The following DNM3 variants were observed in gnomAD, a reference collection of about 807,000 sequenced individuals.
The protein encoded by DNM3 is dynamin 3, also known as dynamin-3.
DNM3 carries 47 observed loss-of-function variants against 101.6 expected under a neutral mutation model. The ratio of observed to expected loss-of-function variants is 0.46; its 90% CI spans 0.37 to 0.59. The LOEUF is 0.59. Among genes scored for constraint, DNM3 ranks in the 20% least tolerant of loss-of-function variants. The probability of loss-of-function intolerance (pLI) is 0.00; values close to 1 mark genes in which losing one functional copy is unlikely to be tolerated. For synonymous variants in DNM3, 385 were observed against 387.9 expected, an observed-to-expected ratio of 0.99 and a Z score of 0.09; for missense variants, 849 against 1,085.7, an observed-to-expected ratio of 0.78 and a Z score of 3.06.
chr1:172,188,596 G>C (rs1176173955), intron 14 of DNM3, among the ~76,000 whole-genome samples: 1 of 152,006 alleles, frequency 6.6e-6, no homozygotes, highest in Non-Finnish European at 1.5e-5. Context: ...CATCTTGGCT[G>C]TTTGCAGTTT....
chr1:171,868,460 T>A (rs943459086), intron 1 of DNM3, among the ~76,000 whole-genome samples: 6 of 152,220 alleles, frequency 3.9e-5, no homozygotes, highest in Admixed American at 2.0e-4. Flanking sequence ...CACTGCAATC[T>A]GCGCATTGCG....
At chr1:172,222,668 C>A (rs2060950928) in intron 14 of DNM3, among the ~76,000 whole-genome samples, 1 of 152,058 alleles carries the variant, frequency 6.6e-6, no homozygotes, top group Non-Finnish European at 1.5e-5. Context: ...AAGAGAAAAA[C>A]AAAGCCATAT....
intron 10 of DNM3, among the ~76,000 whole-genome samples, chr1:172,066,425 A>G (rs2051669967): frequency 6.6e-6 from 1 of 152,154 alleles, no homozygotes; most frequent in Non-Finnish European, 1.5e-5. Flanking sequence ...TCATATTGTA[A>G]GGGTGCTGAG....
chr1:171,992,120 T>TA, intron 4 of DNM3, among the ~76,000 whole-genome samples: 1 of 152,294 alleles, frequency 6.6e-6, no homozygotes, highest in Admixed American at 6.5e-5. Flanking sequence ...AAATGTAAAC[T>TA]AAAAAAATTG....
chr1:171,860,746 A>G (rs893128133), intron 1 of DNM3, among the ~76,000 whole-genome samples: 36 of 151,684 alleles, frequency 2.4e-4, no homozygotes, highest in African/African-American at 7.7e-4. Context: ...GGAAAGAAGT[A>G]TAAAGAGTCT....
At chr1:172,043,238 G>A (rs10910970) in intron 8 of DNM3, among the ~76,000 whole-genome samples, 2 of 151,882 alleles carry the variant, frequency 1.3e-5, no homozygotes, top group Non-Finnish European at 2.9e-5. Flanking sequence ...TGACTTCCAA[G>A]GTTTTGGCTT....
intron 16 of DNM3, chr1:172,309,072 C>G (rs1452285140): frequency 1.9e-5 from 8 of 411,948 alleles, no homozygotes; most frequent in South Asian, 7.1e-5. Context: ...ATGTCCTACT[C>G]AGCCATAAAA....
intron 6 of DNM3, among the ~76,000 whole-genome samples, chr1:172,036,292 G>C (rs186284125): frequency 0.035 from 5,220 of 150,840 alleles, 323 homozygotes; most frequent in African/African-American, 0.12. Context: ...TACTGAGAAT[G>C]ATGATTTCCA....
At chr1:171,932,580 A>G (rs1039852072) in intron 2 of DNM3, among the ~76,000 whole-genome samples, 32 of 152,138 alleles carry the variant, frequency 2.1e-4, no homozygotes, top group African/African-American at 7.2e-4. Flanking sequence ...TAGATAGGGT[A>G]TTCATCTTTA....
intron 14 of DNM3, among the ~76,000 whole-genome samples, chr1:172,226,387 C>T (rs2061122880): frequency 6.6e-6 from 1 of 152,146 alleles, no homozygotes; most frequent in Admixed American, 6.5e-5. Context: ...ACATACTTAA[C>T]TATAACTTAT....
intron 15 of DNM3, among the ~76,000 whole-genome samples, chr1:172,293,341 G>A (rs1437679099): frequency 2.0e-5 from 3 of 152,156 alleles, no homozygotes; most frequent in Non-Finnish European, 4.4e-5. Flanking sequence ...TCATCATGAG[G>A]TCCTGTTCTC....
At chr1:172,109,526 C>T (rs1031726919) in intron 13 of DNM3, among the ~76,000 whole-genome samples, 1 of 152,170 alleles carries the variant, frequency 6.6e-6, no homozygotes, top group East Asian at 1.9e-4. Flanking sequence ...ATTTCTTGTG[C>T]GTCTCCTCTT....
chr1:172,078,445 C>CA (rs1462597901), intron 11 of DNM3, among the ~76,000 whole-genome samples: 1 of 144,322 alleles, frequency 6.9e-6, no homozygotes, highest in Non-Finnish European at 1.5e-5. Context: ...TGCAACCCTG[C>CA]TTTTTTTTTT....
rs2037436907 is a variant in DNM3, at chr1:171,893,025, A to G, written c.162-28723A>G. Among the ~76,000 whole-genome samples, 3 of 149,928 alleles carry G rather than the reference A, an allele frequency of 2.0e-5. No homozygotes were observed. In the South Asian group the frequency reaches 6.2e-4, roughly 31 times the overall value. ...CGCAAGAGTTGGGGACCCCTGAACT[A>G]GAGTACAGTGGTTATGTGTGGTTCC... On this transcript the variant is annotated intron_variant, in intron 1 of 20. Transcript: ENST00000627582.
intron 2 of DNM3, among the ~76,000 whole-genome samples, chr1:171,971,959 G>A (rs1346292472): frequency 6.6e-6 from 1 of 152,162 alleles, no homozygotes; most frequent in Non-Finnish European, 1.5e-5. Context: ...GCTCTAGAGT[G>A]TTGGTTCATA....
At chr1:171,932,697 A>G (rs2041123111) in intron 2 of DNM3, among the ~76,000 whole-genome samples, 1 of 152,198 alleles carries the variant, frequency 6.6e-6, no homozygotes, top group Non-Finnish European at 1.5e-5. Context: ...TAACCATCTT[A>G]TTCTACATTT....
intron 11 of DNM3, among the ~76,000 whole-genome samples, chr1:172,070,674 A>T (rs904577079): frequency 6.6e-6 from 1 of 152,156 alleles, no homozygotes; most frequent in African/African-American, 2.4e-5. Context: ...CTCTGTTGTT[A>T]ACATTTTGTG....
chr1:172,393,928 G>A (rs1486614721), intron 20 of DNM3: 1 of 152,296 alleles, frequency 6.6e-6, no homozygotes, highest in African/African-American at 2.4e-5. Flanking sequence ...ATTTGTTGCA[G>A]GTTTAATATG....
intron 6 of DNM3, among the ~76,000 whole-genome samples, 174 bp from the exon 7 acceptor site, chr1:172,038,145 G>A (rs986729220): frequency 6.6e-6 from 1 of 152,190 alleles, no homozygotes; most frequent in East Asian, 1.9e-4. Flanking sequence ...GGAGGAGGGA[G>A]TTGGTGTTCC....
Sources: gnomAD v4.1 joint callset for allele counts (sites outside exome capture counted in the v4.1 genomes callset) on GRCh38, gnomAD v4.1.1 for gene constraint, MANE v1.5 for transcripts, NCBI Gene and HGNC (gene_info 2026-07-23, HGNC 2026-07-21) for gene names.